The following PRKCH variants were observed in gnomAD, a reference collection of about 807,000 sequenced individuals.
PRKCH encodes the protein protein kinase C eta type.
Under a neutral mutation model 82.5 loss-of-function variants are expected in PRKCH, and 28 were observed. That is an observed-to-expected ratio of 0.34 (90% CI 0.25 to 0.47). The LOEUF is 0.47. Among genes scored for constraint, PRKCH ranks in the 20% least tolerant of loss-of-function variants. The pLI is 1.00. For synonymous variants in PRKCH, 322 were observed against 327.4 expected, an observed-to-expected ratio of 0.98 and a Z score of 0.18; for missense variants, 705 against 881.8, an observed-to-expected ratio of 0.80 and a Z score of 2.54.
chr14:61,234,040 C>T lies in PRKCH; in HGVS notation c.-19+46372C>T, dbSNP rs190742534. 5.7e-3 allele frequency among the ~76,000 whole-genome samples: 866 copies of T among 152,322 alleles called. 12 individuals are homozygous for T. The highest frequency in any genetic ancestry group is 0.02 in the African/African-American group (836 of 41,562). On this transcript the variant is annotated intron_variant, in intron 1 of 3. Coordinates refer to the PRKCH transcript ENST00000555185. The stretch of plus-strand genomic sequence containing the variant: ...GTCTACACCACAGGTGTAGCACTGG[C>T]CTAGCAAATACCTCTCCCTCAATCC...
upstream of PRKCH, among the ~76,000 whole-genome samples, chr14:61,320,602 A>AACAACAACAACAAC (rs1555375325): frequency 4.0e-5 from 6 of 151,402 alleles, no homozygotes; most frequent in Non-Finnish European, 8.9e-5. Context: ...TCCGTCTCAA[A>AACAACAACAACAAC]AACAACAACA....
chr14:61,221,190 G>C (rs1198217543), intron 1 of PRKCH, among the ~76,000 whole-genome samples: 1 of 152,184 alleles, frequency 6.6e-6, no homozygotes, highest in Admixed American at 6.5e-5. Flanking sequence ...GAGGGAGCTG[G>C]AGAGCCCACG....
chr14:61,369,848 C>T (rs1194114463), intron 1 of PRKCH, among the ~76,000 whole-genome samples: 3 of 151,966 alleles, frequency 2.0e-5, no homozygotes, highest in Non-Finnish European at 4.4e-5. Context: ...AAAAACAGAA[C>T]TTTATTTTTA....
At position 61,280,993 on chromosome 14, in the gene PRKCH, CCCAGGCCCAGGCCGATGAAGG is replaced by C; in HGVS notation, c.-19+93334_-19+93354del. The C allele has an allele frequency of 6.5e-7, 1 of 1,540,162 alleles. No individual in the cohort carries two copies. Among genetic ancestry groups the C allele is most frequent in the East Asian group, 2.5e-5 (1 of 40,322 alleles). On this transcript the variant is annotated intron_variant, in intron 1 of 3. Coordinates refer to the PRKCH transcript ENST00000555185. This position sits in a 1 kb window ranked among gnomAD's most constrained non-coding sequence, Gnocchi z 5.0. The stretch of plus-strand genomic sequence containing the variant: ...GATGCCGTTGGAGGAGTAGTAGAGG[CCCAGGCCCAGGCCGATGAAGG>C]CCAGGCCCGCGCAGAAGAAGAGCGG...
intron 9 of PRKCH, among the ~76,000 whole-genome samples, chr14:61,461,626 T>C (rs1885032995): frequency 6.6e-6 from 1 of 152,252 alleles, no homozygotes; most frequent in Non-Finnish European, 1.5e-5. Flanking sequence ...AAGTTACTAC[T>C]GCTGAAGCAA....
At chr14:61,286,382 T>C (rs1449218339) in intron 1 of PRKCH, among the ~76,000 whole-genome samples, 1 of 152,192 alleles carries the variant, frequency 6.6e-6, no homozygotes, top group Non-Finnish European at 1.5e-5. Context: ...GCAGAGAAAC[T>C]TTAATTAACT....
At chr14:61,384,712 T>A (rs1480941828) in intron 1 of PRKCH, among the ~76,000 whole-genome samples, 3 of 151,954 alleles carry the variant, frequency 2.0e-5, no homozygotes, top group African/African-American at 7.3e-5. Flanking sequence ...GCTCTGAGGG[T>A]GCACGTTGGG....
intron 1 of PRKCH, among the ~76,000 whole-genome samples, chr14:61,307,488 T>A (rs1456659427): frequency 6.6e-6 from 1 of 152,228 alleles, no homozygotes; most frequent in Non-Finnish European, 1.5e-5. Flanking sequence ...AGTAATTTAC[T>A]TGAGATAGGA....
chr14:61,365,884 A>C (rs1396985195), intron 1 of PRKCH, among the ~76,000 whole-genome samples: 1 of 152,116 alleles, frequency 6.6e-6, no homozygotes, highest in East Asian at 1.9e-4. Context: ...TTTAGGCAGT[A>C]ATTCCTACAG....
intron 1 of PRKCH, among the ~76,000 whole-genome samples, chr14:61,330,833 C>T (rs1234643846): frequency 6.6e-6 from 1 of 152,120 alleles, no homozygotes; most frequent in Non-Finnish European, 1.5e-5. Context: ...AAGTTCCAGC[C>T]AAATCATTAC....
At position 61,361,839 on chromosome 14, in the gene PRKCH, A is replaced by G. The variant is rs144359408; in HGVS notation, c.364-29386A>G. ...TAAACATGCCATATTCCTTAATCTT[A>G]TTTATGATTACATTTGGTTTATTTA... On this transcript the variant is annotated intron_variant, in intron 1 of 13. Transcript: ENST00000332981. Among the ~76,000 whole-genome samples the G allele has an allele frequency of 4.5e-3, 681 of 152,342 alleles. 7 individuals carry two copies. Among genetic ancestry groups the G allele is most frequent in the African/African-American group, 0.016 (651 of 41,584 alleles).
intron 1 of PRKCH, among the ~76,000 whole-genome samples, chr14:61,254,735 A>G (rs2044982257): frequency 6.6e-6 from 1 of 152,244 alleles, no homozygotes; most frequent in African/African-American, 2.4e-5. Context: ...TTGGGCAAGA[A>G]TAAAAGCAAG....
chr14:61,528,976 GTGT>G, intron 10 of PRKCH, 96 bp from the exon 11 acceptor site: 1 of 906,520 alleles, frequency 1.1e-6, no homozygotes, highest in Non-Finnish European at 1.5e-6. Flanking sequence ...GGCCGCACGT[GTGT>G]GTGTGTGTGT....
chr14:61,528,848 C>A lies in PRKCH; in HGVS notation c.1434-227C>A, dbSNP rs193281054. 5.3e-5 allele frequency: 19 copies of A among 359,318 alleles called. No individual in the cohort carries two copies. In the East Asian group the frequency reaches 9.6e-4, roughly 18 times the overall value. 22.3% of individuals were successfully genotyped at this position (359,318 alleles called of 1,614,324 possible). A position where few individuals can be genotyped will look rare whatever the true frequency, so the allele number is the denominator to read the frequency against. ...CTGTGGTCAGCCCATTCTTAATGGG[C>A]GCATCATCTTGGAGCCATGAGGCAA... On this transcript the variant is annotated intron_variant, in intron 10 of 13. Transcript: ENST00000332981.
chr14:61,327,547 G>A (rs1211230121), intron 1 of PRKCH, among the ~76,000 whole-genome samples: 1 of 152,146 alleles, frequency 6.6e-6, no homozygotes, highest in African/African-American at 2.4e-5. Flanking sequence ...CAGTGGGACC[G>A]GCTGCTTCTC....
chr14:61,547,927 G>C (rs370170609), intron 13 of PRKCH, 41 bp downstream of exon 13: 2 of 1,600,186 alleles, frequency 1.2e-6, no homozygotes, highest in Middle Eastern at 3.3e-4. Flanking sequence ...CCTTTCTTCA[G>C]ATGTCACAGC....
intron 2 of PRKCH, among the ~76,000 whole-genome samples, chr14:61,394,343 CTT>C (rs1434896952): frequency 6.6e-6 from 1 of 151,892 alleles, no homozygotes; most frequent in African/African-American, 2.4e-5. Context: ...TGCTTGGTAT[CTT>C]TTATGTACAG....
At chr14:61,289,439 G>A (rs1246203204) in intron 1 of PRKCH, among the ~76,000 whole-genome samples, 2 of 152,250 alleles carry the variant, frequency 1.3e-5, no homozygotes, top group African/African-American at 4.8e-5. Context: ...AGGTGCAGTG[G>A]CTTACACCTG....
At chr14:61,259,035 C>T (rs966275428) in intron 1 of PRKCH, among the ~76,000 whole-genome samples, 3 of 152,168 alleles carry the variant, frequency 2.0e-5, no homozygotes, top group Admixed American at 2.0e-4. Context: ...CCCACTCAAT[C>T]TGGCTTTTCT....
Sources: gnomAD v4.1 joint callset for allele counts (sites outside exome capture counted in the v4.1 genomes callset) on GRCh38, gnomAD v4.1.1 for gene constraint, Gnocchi (gnomAD v3.1) non-coding constraint, MANE v1.5 for transcripts, NCBI Gene and HGNC (gene_info 2026-07-23, HGNC 2026-07-21) for gene names.